TTC38: variants seen among roughly 807,000 people sequenced by gnomAD.
The protein encoded by TTC38 is tetratricopeptide repeat protein 38.
TTC38 carries 64 observed loss-of-function variants against 64.2 expected under a neutral mutation model. The ratio of observed to expected loss-of-function variants is 1.00; its 90% CI spans 0.81 to 1.23. The LOEUF (loss-of-function observed/expected upper bound fraction) is 1.23, where lower values mean the gene tolerates loss of function less well. TTC38 is among the 50% of genes most tolerant of loss of function. The pLI, the probability that TTC38 is intolerant of heterozygous loss-of-function variation, is 0.00. For missense variants in TTC38, 573 were observed against 615.5 expected (o/e 0.93, Z 0.73); for synonymous variants, 254 against 249.3 (o/e 1.02, Z -0.18).
intron 5 of TTC38, among the ~76,000 whole-genome samples, chr22:46,277,036 TATATATACATACACACAC>T (rs1400545329): frequency 2.6e-5 from 2 of 78,202 alleles, no homozygotes; most frequent in African/African-American, 1.2e-4. Flanking sequence ...AAACAATACA[TATATATACATACACACAC>T]ACACACACAC....
rs183677512 is a variant in TTC38 at position 46,279,223 on chromosome 22, C to T, written c.615+562C>T. Among the ~76,000 whole-genome samples, 28 of 152,240 alleles carry T rather than the reference C, an allele frequency of 1.8e-4. No individual in the cohort carries two copies. The South Asian group carries it at 4.6e-3, about 25-fold the overall frequency. ...GGCTGCAGCTGTCAGGCCTGGGGCG[C>T]GAATGGTCTCACGCTCTGGGGGTCC... On this transcript the variant is annotated intron_variant, in intron 6 of 13. Coordinates refer to ENST00000381031, the MANE Select transcript of TTC38 (RefSeq NM_017931.4).
chr22:46,269,088 G>GC (rs58531030), intron 2 of TTC38: 49,028 of 363,032 alleles, frequency 0.14, 1,871 homozygotes, highest in African/African-American at 0.19. Flanking sequence ...ACATATCTCT[G>GC]CCCCCCCCCC....
In TTC38 at chr22:46,291,096, T is replaced by A. The variant is rs2147803568; in HGVS notation, c.1316+1197T>A. On this transcript the variant is annotated intron_variant, in intron 13 of 13. Coordinates refer to ENST00000381031, the MANE Select transcript of TTC38 (RefSeq NM_017931.4). The surrounding 1 kb of genome is among the most constrained non-coding windows in gnomAD (Gnocchi z 4.6). Reference sequence around the variant, plus strand: ...CTGAGCTGTACAGGTTCTGTGGTACTCATGAAACAGGTCTGGCTGGCAGCA... The same window carrying A: ...CTGAGCTGTACAGGTTCTGTGGTACACATGAAACAGGTCTGGCTGGCAGCA... Among the ~76,000 whole-genome samples, 1 of 152,324 alleles carries A rather than the reference T, an allele frequency of 6.6e-6. No homozygotes were observed. Among genetic ancestry groups the A allele is most frequent in the South Asian group, 2.1e-4 (1 of 4,828 alleles).
rs1477363715 is a variant in TTC38 at position 46,288,512 on chromosome 22, T to C, written c.1006T>C (p.Phe336Leu). The C allele has an allele frequency of 5.6e-6, 9 of 1,613,854 alleles. No individual in the cohort carries two copies. Among genetic ancestry groups the C allele is most frequent in the Admixed American group, 1.7e-5 (1 of 59,992 alleles). ...CATCCTGCTGTTCAATGACGCACACTTCCTGATGGCATCCCTGGGTGCACA... is the reference window on the plus strand; with the variant it reads ...CATCCTGCTGTTCAATGACGCACACCTCCTGATGGCATCCCTGGGTGCACA... ...DHILLFNDAHFLMASLGAHDP... is the reference protein window; with the variant it reads ...DHILLFNDAHLLMASLGAHDP... Residue 336 changes from phenylalanine to leucine, a missense_variant, in exon 11 of 14, where the codon TTC (phenylalanine) becomes CTC (leucine). By Grantham distance (22) the Phe-to-Leu change is conservative (BLOSUM62 0). Transcript: ENST00000381031.
In TTC38 at chr22:46,282,495, A is replaced by G. The variant is rs1260760901; in HGVS notation, c.735+777A>G. Among the ~76,000 whole-genome samples, 2 of 152,214 alleles carry G rather than the reference A, an allele frequency of 1.3e-5. No homozygotes were observed. Among genetic ancestry groups the G allele is most frequent in the African/African-American group, 4.8e-5 (2 of 41,460 alleles). On this transcript the variant is annotated intron_variant, in intron 7 of 13. Coordinates refer to ENST00000381031, the MANE Select transcript of TTC38 (RefSeq NM_017931.4). This position sits in a 1 kb window ranked among gnomAD's most constrained non-coding sequence, Gnocchi z 4.4. ...GGGGCCTCCCCTGGGACAGGGACAC[A>G]GCGTCGCTCACTCAGCGTTTACTGA...
Position 46,281,843 on chromosome 22 carries a change from A to G in TTC38, c.735+125A>G. The G allele has an allele frequency of 7.9e-7, 1 of 1,260,658 alleles. No homozygotes were observed. The highest frequency in any genetic ancestry group is 1.3e-5 in the South Asian group (1 of 75,788). The allele number at this position is 1,260,658 out of a possible 1,614,324, so 78.1% of individuals were successfully genotyped here. On this transcript the variant is annotated intron_variant, in intron 7 of 13. Transcript: ENST00000381031. This position sits in a 1 kb window ranked among gnomAD's most constrained non-coding sequence, Gnocchi z 5.2. ...TTCTCGGGGTTCCCTCTCCTCCTCC[A>G]CCTGCACCTGCCTCAGGTGTTTGGC...
rs991204562 is a variant in TTC38 at position 46,292,955 on chromosome 22, G to A, written c.*71G>A. The A allele has an allele frequency of 4.6e-5, 58 of 1,274,630 alleles. No individual in the cohort carries two copies. In the East Asian group the frequency reaches 8.0e-4, roughly 18 times the overall value. The allele number at this position is 1,274,630 out of a possible 1,614,324, so 79.0% of individuals were successfully genotyped here. A position where few individuals can be genotyped will look rare whatever the true frequency, so the allele number is the denominator to read the frequency against. On this transcript the variant is annotated 3_prime_UTR_variant, in exon 14 of 14. Transcript: ENST00000381031. This position sits in a 1 kb window ranked among gnomAD's most constrained non-coding sequence, Gnocchi z 6.5. ...ACTGCGTCCAGTCAGCTGCTCCACCGGGTTAGGGTCAGGAGACGGCCAGAG... is the reference window on the plus strand; with the variant it reads ...ACTGCGTCCAGTCAGCTGCTCCACCAGGTTAGGGTCAGGAGACGGCCAGAG...
In TTC38 at chr22:46,273,790, G is replaced by T. The variant is rs1936946761; in HGVS notation, c.194-108G>T. The stretch of plus-strand genomic sequence containing the variant: ...ACAGTGCCCAGCCTGCTGCTGCCTG[G>T]CTGGCCCCTCCTGGGACGTGGGGTG... On this transcript the variant is annotated intron_variant, in intron 3 of 13. Coordinates refer to ENST00000381031, the MANE Select transcript of TTC38 (RefSeq NM_017931.4). The surrounding 1 kb of genome is among the most constrained non-coding windows in gnomAD (Gnocchi z 5.1). 6.4e-6 allele frequency: 7 copies of T among 1,102,130 alleles called. No homozygotes were observed. Among genetic ancestry groups the T allele is most frequent in the African/African-American group, 3.1e-5 (2 of 64,042 alleles). The allele number at this position is 1,102,130 out of a possible 1,614,324, so 68.3% of individuals were successfully genotyped here. A position where few individuals can be genotyped will look rare whatever the true frequency, so the allele number is the denominator to read the frequency against.
In TTC38 at chr22:46,281,604, A is replaced by T; in HGVS notation, c.621A>T (p.Leu207Phe). ...CTTCCCCGCACCCTGCGTAGGCTTTATCTATTAACCCGACAGACGCATGGT... is the reference window on the plus strand; with the variant it reads ...CTTCCCCGCACCCTGCGTAGGCTTTTTCTATTAACCCGACAGACGCATGGT... Reference protein sequence around the residue: ...DQAEKLAKEALSINPTDAWSV... With the variant: ...DQAEKLAKEAFSINPTDAWSV... The change falls in exon 7 of 14, where the codon TTA becomes TTT. Residue 207 changes from leucine (L) to phenylalanine (F), a missense_variant. By Grantham distance (22) the Leu-to-Phe change is conservative (BLOSUM62 0). Transcript: ENST00000381031. The surrounding 1 kb of genome is among the most constrained non-coding windows in gnomAD (Gnocchi z 5.2). 1 of 1,613,826 alleles carries T rather than the reference A, an allele frequency of 6.2e-7. No homozygotes were observed. The highest frequency in any genetic ancestry group is 2.2e-5 in the East Asian group (1 of 44,838).
chr22:46,278,534 C>A, intron 5 of TTC38, 52 bp from the exon 6 acceptor site: 1 of 1,494,030 alleles, frequency 6.7e-7, no homozygotes, highest in Non-Finnish European at 9.3e-7. Context: ...CACAGTTCAA[C>A]CTGCTACCCA....
chr22:46,284,337 AG>A (rs889893073), intron 8 of TTC38, among the ~76,000 whole-genome samples: 2 of 152,144 alleles, frequency 1.3e-5, no homozygotes, highest in Non-Finnish European at 2.9e-5. Flanking sequence ...TTCCAACGGG[AG>A]CCAGGCTATG....
chr22:46,281,809 A>G lies in TTC38; in HGVS notation c.735+91A>G. 1 of 1,558,344 alleles carries G rather than the reference A, an allele frequency of 6.4e-7. No homozygotes were observed. Among genetic ancestry groups the G allele is most frequent in the African/African-American group, 1.4e-5 (1 of 73,922 alleles). On this transcript the variant is annotated intron_variant, in intron 7 of 13. Transcript: ENST00000381031. The surrounding 1 kb of genome is among the most constrained non-coding windows in gnomAD (Gnocchi z 5.2). ...GCTTTATGGACAAGAGTTACAGGGCATGGCTTAATTCTCGGGGTTCCCTCT... is the reference window on the plus strand; with the variant it reads ...GCTTTATGGACAAGAGTTACAGGGCGTGGCTTAATTCTCGGGGTTCCCTCT...
intron 5 of TTC38, among the ~76,000 whole-genome samples, chr22:46,277,778 A>C (rs1156446237): frequency 6.6e-6 from 1 of 152,154 alleles, no homozygotes; most frequent in African/African-American, 2.4e-5. Context: ...AGTGCATTCC[A>C]GGCCGGGCAG....
chr22:46,277,634 G>A (rs574671332), intron 5 of TTC38, among the ~76,000 whole-genome samples: 3 of 148,432 alleles, frequency 2.0e-5, no homozygotes. Context: ...AAAAAAGAGA[G>A]AGATTGGAAG....
chr22:46,283,017 C>T (rs895068634), intron 7 of TTC38, among the ~76,000 whole-genome samples: 5 of 152,306 alleles, frequency 3.3e-5, no homozygotes, highest in South Asian at 4.1e-4. Flanking sequence ...CAGCCTCGAC[C>T]GCCTGGGCTC....
In TTC38 at chr22:46,278,652, C is replaced by T. The variant is rs111289634; in HGVS notation, c.606C>T (p.Leu202=). ...ACTTCTACGACCAGGCAGAAAAACT[C>T]GCCAAAGAGGTAAGTGGGTCCTTCC... ...ETNFYDQAEK[L]AKEALSINPT... is the part of the protein sequence containing the mutation. Residue 202 remains leucine, a synonymous_variant, in exon 6 of 14, where the codon CTC becomes CTT. Coordinates refer to ENST00000381031, the MANE Select transcript of TTC38 (RefSeq NM_017931.4). 54 of 1,614,062 alleles carry T rather than the reference C, an allele frequency of 3.3e-5. No homozygotes were observed. In the East Asian group the frequency reaches 4.0e-4, roughly 12 times the overall value.
chr22:46,275,244 C>A lies in TTC38; in HGVS notation c.366-4C>A. On this transcript the variant is annotated splice_region_variant and splice_polypyrimidine_tract_variant and intron_variant, in intron 4 of 13. Coordinates refer to ENST00000381031, the MANE Select transcript of TTC38 (RefSeq NM_017931.4). The surrounding 1 kb of genome is among the most constrained non-coding windows in gnomAD (Gnocchi z 4.5). ...GTTGGTGAGAAATCTTTCTCGGTTT[C>A]CAGGAACTTTCCGAAAGCCTGTGAA... 6.2e-7 allele frequency: 1 copy of A among 1,612,376 alleles called. No homozygotes were observed. Among genetic ancestry groups the A allele is most frequent in the Non-Finnish European group, 8.5e-7 (1 of 1,179,440 alleles).
intron 10 of TTC38, 35 bp downstream of exon 10, chr22:46,287,189 C>T: frequency 6.4e-7 from 1 of 1,557,112 alleles, no homozygotes; most frequent in Non-Finnish European, 8.8e-7. Flanking sequence ...GCTTCTGCCT[C>T]TTCCTCCCAC....
At position 46,289,762 on chromosome 22, in the gene TTC38, G is replaced by GC. The variant is rs1271147345; in HGVS notation, c.1243-64_1243-63insC. The stretch of plus-strand genomic sequence containing the variant: ...CCCTGGAGAGCAGGCAGCCCGCGGT[G>GC]GGCGGGGGCTCGCCTCCCCCATCCT... On this transcript the variant is annotated intron_variant, in intron 12 of 13. Coordinates refer to ENST00000381031, the MANE Select transcript of TTC38 (RefSeq NM_017931.4). 27 of 1,566,476 alleles carry GC rather than the reference G, an allele frequency of 1.7e-5. No homozygotes were observed. In the East Asian group the frequency reaches 5.8e-4, roughly 34 times the overall value.
Sources: allele counts gnomAD v4.1 joint callset (sites outside exome capture counted in the v4.1 genomes callset), GRCh38; gene constraint gnomAD v4.1.1; non-coding constraint Gnocchi (gnomAD v3.1); transcripts MANE v1.5; gene names NCBI Gene and HGNC (gene_info 2026-07-23, HGNC 2026-07-21).